BMAL1: variants seen among roughly 807,000 people sequenced by gnomAD.
BMAL1 encodes the protein basic helix-loop-helix ARNT like 1.
chr11:13,384,702 C>G, the BMAL1 span, among the ~76,000 whole-genome samples: 1 of 152,086 alleles, frequency 6.6e-6, no homozygotes, highest in African/African-American at 2.4e-5. Context: ...AATTATTAAG[C>G]CAGACATTAG....
chr11:13,344,009 G>A, the BMAL1 span, among the ~76,000 whole-genome samples: 67 of 152,162 alleles, frequency 4.4e-4, no homozygotes, highest in East Asian at 0.011. Flanking sequence ...GGTACCCAAG[G>A]GCCACAAATG....
the BMAL1 span, among the ~76,000 whole-genome samples, chr11:13,309,405 G>A: frequency 6.6e-6 from 1 of 152,102 alleles, no homozygotes; most frequent in Non-Finnish European, 1.5e-5. Flanking sequence ...GCCTCTGATG[G>A]TTTCTGCCCA....
At chr11:13,284,234 G>GTATATATATATATATA in the BMAL1 span, among the ~76,000 whole-genome samples, 1 of 4,294 alleles carries the variant, frequency 2.3e-4, no homozygotes, top group Admixed American at 4.9e-3. Flanking sequence ...ATATGTGTGT[G>GTATATATATATATATA]TATATATATA....
At chr11:13,291,320 A>G in the BMAL1 span, among the ~76,000 whole-genome samples, 1 of 152,208 alleles carries the variant, frequency 6.6e-6, no homozygotes, top group Admixed American at 6.5e-5. Flanking sequence ...TGCAAAGAAG[A>G]CTGGGAGATA....
the BMAL1 span, among the ~76,000 whole-genome samples, chr11:13,338,400 A>G: frequency 1.3e-5 from 2 of 152,218 alleles, no homozygotes; most frequent in African/African-American, 4.8e-5. Context: ...GCAAATGGAC[A>G]AGTGCATTTT....
the BMAL1 span, among the ~76,000 whole-genome samples, chr11:13,343,708 C>T: frequency 6.6e-6 from 1 of 152,290 alleles, no homozygotes; most frequent in East Asian, 1.9e-4. Context: ...GATGCATGCC[C>T]TGGGGGAACT....
chr11:13,385,651 C>G, the BMAL1 span: 1 of 1,510,416 alleles, frequency 6.6e-7, no homozygotes, highest in Non-Finnish European at 9.2e-7. Context: ...GCTCATAATA[C>G]TGATTCAAAC....
At chr11:13,375,591 A>G in the BMAL1 span, 2 of 1,543,254 alleles carry the variant, frequency 1.3e-6, no homozygotes, top group Non-Finnish European at 1.7e-6. Flanking sequence ...AACAATGTCC[A>G]TGTTTTCTTT....
chr11:13,356,168 T>A, the BMAL1 span: 274 of 422,902 alleles, frequency 6.5e-4, no homozygotes, highest in Non-Finnish European at 1.1e-3. Context: ...ATTCCTAAAA[T>A]CTAGGGGTTC....
At chr11:13,318,805 A>T in the BMAL1 span, among the ~76,000 whole-genome samples, 1 of 151,932 alleles carries the variant, frequency 6.6e-6, no homozygotes. Flanking sequence ...AAATACCAAA[A>T]TTTTTTTAAA....
At chr11:13,386,844 G>A in the BMAL1 span, 24 of 1,485,762 alleles carry the variant, frequency 1.6e-5, no homozygotes, top group Non-Finnish European at 2.0e-5. Flanking sequence ...TGGATAAGGA[G>A]AGAATAGCTT....
At chr11:13,291,421 TG>T in the BMAL1 span, among the ~76,000 whole-genome samples, 1 of 152,086 alleles carries the variant, frequency 6.6e-6, no homozygotes, top group South Asian at 2.1e-4. Context: ...TCTGATGTGT[TG>T]TGGTGGTGAT....
the BMAL1 span, among the ~76,000 whole-genome samples, chr11:13,355,633 T>C: frequency 6.6e-6 from 1 of 152,250 alleles, no homozygotes; most frequent in East Asian, 1.9e-4. Context: ...TCTGTGACTG[T>C]CAGGCAGAGC....
the BMAL1 span, among the ~76,000 whole-genome samples, chr11:13,307,487 C>T: frequency 2.0e-5 from 3 of 152,320 alleles, no homozygotes; most frequent in African/African-American, 7.2e-5. Flanking sequence ...AGATGTTAGA[C>T]AGGCAAGACT....
the BMAL1 span, among the ~76,000 whole-genome samples, chr11:13,292,818 CTCCCAGAGG>C: frequency 6.6e-6 from 1 of 152,190 alleles, no homozygotes; most frequent in Non-Finnish European, 1.5e-5. Flanking sequence ...AACTTACCAT[CTCCCAGAGG>C]AAACACCCAA....
chr11:13,313,624 G>A, the BMAL1 span, among the ~76,000 whole-genome samples: 1 of 152,014 alleles, frequency 6.6e-6, no homozygotes, highest in Non-Finnish European at 1.5e-5. Flanking sequence ...GTTCTTCTCT[G>A]TCTCTCCACT....
the BMAL1 span, chr11:13,375,635 A>T: frequency 7.0e-6 from 11 of 1,577,612 alleles, no homozygotes; most frequent in Non-Finnish European, 9.4e-6. Flanking sequence ...AGAAAAAATT[A>T]CAACTAATTG....
the BMAL1 span, among the ~76,000 whole-genome samples, chr11:13,348,515 G>T: frequency 4.6e-5 from 7 of 152,212 alleles, no homozygotes; most frequent in South Asian, 4.1e-4. Flanking sequence ...AGGGCTGTGT[G>T]GGGGCTGTGG....
chr11:13,286,066 T>C, the BMAL1 span, among the ~76,000 whole-genome samples: 46,813 of 151,828 alleles, frequency 0.31, 7,252 homozygotes, highest in East Asian at 0.46. Flanking sequence ...TGGGATAAAT[T>C]TTTCTATAAG....
Sources: allele counts gnomAD v4.1 joint callset (sites outside exome capture counted in the v4.1 genomes callset), GRCh38; gene constraint gnomAD v4.1.1; transcripts MANE v1.5; gene names NCBI Gene and HGNC (gene_info 2026-07-23, HGNC 2026-07-21).